The following PAPSS1 variants were observed in gnomAD, a reference collection of about 807,000 sequenced individuals.
The protein encoded by PAPSS1 is bifunctional 3'-phosphoadenosine 5'-phosphosulfate synthase 1.
Under a neutral mutation model 72.0 loss-of-function variants are expected in PAPSS1, and 50 were observed. The observed-to-expected ratio is 0.69, with a 90% CI of 0.55 to 0.88. The LOEUF (loss-of-function observed/expected upper bound fraction) is 0.88. Among genes scored for constraint, PAPSS1 ranks in the 40% least tolerant of loss-of-function variants. The pLI, the probability that PAPSS1 is intolerant of heterozygous loss-of-function variation, is 0.00. For synonymous variants in PAPSS1, 261 were observed against 263.6 expected (o/e 0.99, Z 0.09); for missense variants, 657 against 782.2 (o/e 0.84, Z 1.91).
At chr4:107,711,635 C>T (rs1195501093) in intron 1 of PAPSS1, among the ~76,000 whole-genome samples, 2 of 152,154 alleles carry the variant, frequency 1.3e-5, no homozygotes, top group East Asian at 3.9e-4. Context: ...AATGAGAAAT[C>T]CCTGAAATGG....
chr4:107,711,798 TTAAC>T (rs1283555517), intron 1 of PAPSS1, among the ~76,000 whole-genome samples: 13 of 152,112 alleles, frequency 8.5e-5, no homozygotes, highest in African/African-American at 1.9e-4. Flanking sequence ...GTTCACAGAG[TTAAC>T]TAATAACTGA....
intron 1 of PAPSS1, among the ~76,000 whole-genome samples, chr4:107,708,832 C>T (rs992489872): frequency 6.6e-6 from 1 of 152,192 alleles, no homozygotes; most frequent in African/African-American, 2.4e-5. Flanking sequence ...ATTTTAAGTT[C>T]AGCCTAAAGG....
intron 10 of PAPSS1, among the ~76,000 whole-genome samples, chr4:107,639,872 T>A (rs910196841): frequency 6.6e-6 from 1 of 152,228 alleles, no homozygotes; most frequent in Admixed American, 6.5e-5. Context: ...CATGTCATAG[T>A]ATGTTCTACT....
At chr4:107,619,781 T>G (rs1207211683) in intron 11 of PAPSS1, among the ~76,000 whole-genome samples, 2 of 152,200 alleles carry the variant, frequency 1.3e-5, no homozygotes, top group African/African-American at 2.4e-5. Context: ...TATGTTTGCT[T>G]TTTTTCCTTT....
chr4:107,651,464 C>G (rs901902432), intron 9 of PAPSS1, among the ~76,000 whole-genome samples: 10 of 152,046 alleles, frequency 6.6e-5, no homozygotes, highest in Admixed American at 6.5e-4. Flanking sequence ...AAGAAATGCC[C>G]GAGACCAGGT....
intron 10 of PAPSS1, among the ~76,000 whole-genome samples, chr4:107,643,760 G>A (rs571024847): frequency 7.4e-4 from 112 of 152,262 alleles, no homozygotes; most frequent in African/African-American, 2.6e-3. Context: ...GTATGCCTCT[G>A]TTCCAATGGG....
At chr4:107,697,222 G>A (rs1345361696) in intron 2 of PAPSS1, among the ~76,000 whole-genome samples, 4 of 152,250 alleles carry the variant, frequency 2.6e-5, no homozygotes, top group Non-Finnish European at 2.9e-5. Flanking sequence ...TCAGATGACT[G>A]TGGCCCAGGC....
Position 107,644,863 on chromosome 4 carries a change from T to G in PAPSS1, c.1445A>C (p.Asn482Thr), listed in dbSNP as rs1726650084. The G allele has an allele frequency of 1.2e-6, 2 of 1,613,746 alleles. No homozygotes were observed. The highest frequency in any genetic ancestry group is 3.3e-5 in the Admixed American group (2 of 59,992). ...HAAVLEEGVL[N>T]PETTVVAIFP... ...GATGGCCACCACTGTCGTCTCAGGA[T>G]TCAGAACTCCTTCCTCCAACACTGC... Residue 482 changes from asparagine (N) to threonine (T), a missense_variant, in exon 10 of 12, where the codon AAT becomes ACT. Coordinates refer to ENST00000265174, the MANE Select transcript of PAPSS1 (RefSeq NM_005443.5).
chr4:107,619,341 C>G (rs7693398), intron 11 of PAPSS1, among the ~76,000 whole-genome samples: 4,556 of 152,284 alleles, frequency 0.03, 222 homozygotes, highest in African/African-American at 0.1. Context: ...ATTTCTTCAT[C>G]ACACGGAATG....
intron 5 of PAPSS1, among the ~76,000 whole-genome samples, chr4:107,672,329 G>A (rs1346355400): frequency 1.3e-5 from 2 of 152,230 alleles, no homozygotes; most frequent in East Asian, 3.9e-4. Context: ...AAAGAAAGGG[G>A]TGACACACGG....
chr4:107,661,541 CCTTAAGTGAGAACTG>C (rs1411506383), intron 5 of PAPSS1, among the ~76,000 whole-genome samples: 1 of 152,044 alleles, frequency 6.6e-6, no homozygotes, highest in Admixed American at 6.6e-5. Flanking sequence ...CATGGAAGAA[CCTTAAGTGAGAACTG>C]CTAAGTGAAA....
chr4:107,683,958 G>A (rs1359601294), intron 4 of PAPSS1, among the ~76,000 whole-genome samples: 1 of 116,898 alleles, frequency 8.6e-6, no homozygotes, highest in African/African-American at 2.7e-5. Flanking sequence ...ATCAGTGTAT[G>A]CATACAGACA....
chr4:107,707,257 C>A (rs531890803), intron 1 of PAPSS1, among the ~76,000 whole-genome samples: 2 of 152,272 alleles, frequency 1.3e-5, no homozygotes, highest in African/African-American at 4.8e-5. Context: ...GAAGCTGGGA[C>A]AGCTTGAAGC....
chr4:107,644,419 C>A (rs1726638599), intron 10 of PAPSS1, among the ~76,000 whole-genome samples: 1 of 152,206 alleles, frequency 6.6e-6, no homozygotes, highest in Non-Finnish European at 1.5e-5. Context: ...TTGCCCAGCT[C>A]CCCTCTTTAA....
intron 3 of PAPSS1, among the ~76,000 whole-genome samples, chr4:107,690,266 A>G (rs1482908072): frequency 6.6e-6 from 1 of 152,072 alleles, no homozygotes; most frequent in Non-Finnish European, 1.5e-5. Flanking sequence ...GATCAGCTCC[A>G]TCTCCCCTCA....
chr4:107,713,966 A>G (rs1166543613), intron 1 of PAPSS1, among the ~76,000 whole-genome samples: 2 of 152,098 alleles, frequency 1.3e-5, no homozygotes, highest in Non-Finnish European at 2.9e-5. Context: ...CTTTAGGAAA[A>G]GATATGTCAC....
intron 5 of PAPSS1, among the ~76,000 whole-genome samples, chr4:107,666,887 G>T (rs540559149): frequency 6.6e-6 from 1 of 152,240 alleles, no homozygotes; most frequent in East Asian, 1.9e-4. Flanking sequence ...ACAGTGTTTG[G>T]TCTTTGTCCT....
intron 6 of PAPSS1, among the ~76,000 whole-genome samples, chr4:107,659,565 A>T (rs1313507203): frequency 6.6e-6 from 1 of 152,172 alleles, no homozygotes; most frequent in Non-Finnish European, 1.5e-5. Context: ...ATTCTTAACA[A>T]TATAAGACAG....
intron 6 of PAPSS1, 150 bp from the exon 7 acceptor site, chr4:107,657,157 G>A: frequency 1.7e-6 from 1 of 573,110 alleles, no homozygotes; most frequent in Non-Finnish European, 3.2e-6. Flanking sequence ...AAGAATAAGG[G>A]CACTAGGAAA....
Sources: gnomAD v4.1 joint callset for allele counts (sites outside exome capture counted in the v4.1 genomes callset) on GRCh38, gnomAD v4.1.1 for gene constraint, MANE v1.5 for transcripts, NCBI Gene and HGNC (gene_info 2026-07-23, HGNC 2026-07-21) for gene names.